The following PDE3A variants were observed in gnomAD, a reference collection of about 807,000 sequenced individuals.
PDE3A encodes the protein cGMP-inhibited 3',5'-cyclic phosphodiesterase 3A.
A neutral mutation model predicts 98.3 loss-of-function variants in PDE3A; 43 were observed. The ratio of observed to expected loss-of-function variants is 0.44; its 90% CI spans 0.34 to 0.56. The LOEUF is 0.56. Among genes scored for constraint, PDE3A ranks in the 20% least tolerant of loss-of-function variants. The pLI is 0.01. For synonymous variants in PDE3A, 663 were observed against 567.9 expected, an observed-to-expected ratio of 1.17 and a Z score of -2.38; for missense variants, 1,427 against 1,440.7, an observed-to-expected ratio of 0.99 and a Z score of 0.15.
intron 1 of PDE3A, among the ~76,000 whole-genome samples, chr12:20,381,582 G>C (rs569389487): frequency 1.6e-4 from 25 of 151,908 alleles, no homozygotes; most frequent in Non-Finnish European, 3.2e-4. Flanking sequence ...CTCAGGGGAC[G>C]ATGGTCTGTG....
chr12:20,382,878 G>A (rs1240140999), intron 1 of PDE3A, among the ~76,000 whole-genome samples: 2 of 151,938 alleles, frequency 1.3e-5, no homozygotes. Context: ...AAAGCACTAT[G>A]TAAAACAATG....
At chr12:20,392,360 G>T (rs1034038664) in intron 1 of PDE3A, among the ~76,000 whole-genome samples, 5 of 151,844 alleles carry the variant, frequency 3.3e-5, no homozygotes, top group African/African-American at 1.2e-4. Context: ...ATCACTGTAG[G>T]TCTAAAATGT....
chr12:20,651,944 G>T (rs1196463658), intron 14 of PDE3A, among the ~76,000 whole-genome samples: 1 of 133,316 alleles, frequency 7.5e-6, no homozygotes, highest in Non-Finnish European at 1.5e-5. Flanking sequence ...ACAGTCCCCA[G>T]TGTGTGATGT....
chr12:20,478,500 T>C (rs888427461), intron 1 of PDE3A, among the ~76,000 whole-genome samples: 1 of 152,184 alleles, frequency 6.6e-6, no homozygotes, highest in African/African-American at 2.4e-5. Flanking sequence ...ATGACACTTA[T>C]TCTTTTTGTT....
At chr12:20,545,207 T>C (rs1462261601) in intron 1 of PDE3A, among the ~76,000 whole-genome samples, 3 of 151,974 alleles carry the variant, frequency 2.0e-5, no homozygotes, top group Non-Finnish European at 2.9e-5. Context: ...TGGCAGCATA[T>C]AGGTTTAGAG....
At chr12:20,635,338 G>A (rs953252390) in intron 8 of PDE3A, among the ~76,000 whole-genome samples, 2 of 151,960 alleles carry the variant, frequency 1.3e-5, no homozygotes, top group Non-Finnish European at 2.9e-5. Flanking sequence ...AGGCCAAGGC[G>A]GGAGTATCAC....
At chr12:20,598,799 C>G (rs1184127538) in intron 2 of PDE3A, among the ~76,000 whole-genome samples, 1 of 152,138 alleles carries the variant, frequency 6.6e-6, no homozygotes, top group Non-Finnish European at 1.5e-5. Flanking sequence ...TCACCTATTT[C>G]CAAGTGCAAA....
chr12:20,515,834 G>A (rs899389800), intron 1 of PDE3A, among the ~76,000 whole-genome samples: 57 of 149,684 alleles, frequency 3.8e-4, no homozygotes, highest in African/African-American at 1.3e-3. Context: ...CCGGGTTCAC[G>A]CCATTCTCCT....
chr12:20,483,458 A>G (rs1201577619), intron 1 of PDE3A, among the ~76,000 whole-genome samples: 2 of 152,224 alleles, frequency 1.3e-5, no homozygotes, highest in Non-Finnish European at 2.9e-5. Context: ...ATGACTTGCA[A>G]ATGAGAAGAA....
intron 1 of PDE3A, among the ~76,000 whole-genome samples, chr12:20,542,311 C>T (rs1321127895): frequency 1.3e-5 from 2 of 152,030 alleles, no homozygotes; most frequent in Non-Finnish European, 2.9e-5. Flanking sequence ...TTTTAAGTCA[C>T]ACCAATTACT....
At chr12:20,449,315 A>T (rs1945020283) in intron 1 of PDE3A, among the ~76,000 whole-genome samples, 1 of 152,238 alleles carries the variant, frequency 6.6e-6, no homozygotes, top group Admixed American at 6.5e-5. Flanking sequence ...CAGTTGCTTC[A>T]GAAAATAAAA....
At chr12:20,626,751 G>A (rs1166090261) in intron 5 of PDE3A, among the ~76,000 whole-genome samples, 1 of 152,130 alleles carries the variant, frequency 6.6e-6, no homozygotes, top group Non-Finnish European at 1.5e-5. Context: ...GCCCTCCTCG[G>A]CCTCCCAAAG....
At position 20,552,498 on chromosome 12, in the gene PDE3A, G is replaced by C; in HGVS notation, c.961-4162G>C. The C allele has an allele frequency of 1.2e-6, 2 of 1,613,134 alleles. No homozygotes were observed. The highest frequency in any genetic ancestry group is 1.7e-6 in the Non-Finnish European group (2 of 1,179,628). On this transcript the variant is annotated intron_variant, in intron 1 of 15. Transcript: ENST00000359062. This position sits in a 1 kb window ranked among gnomAD's most constrained non-coding sequence, Gnocchi z 5.1. Reference sequence around the variant, plus strand: ...TGGCCAACCGAGAGCGAGAGAAGGAGAACAGCAAGAGGGAGGAGGAGGAGC... The same window carrying C: ...TGGCCAACCGAGAGCGAGAGAAGGACAACAGCAAGAGGGAGGAGGAGGAGC...
chr12:20,369,628 C>G lies in PDE3A; in HGVS notation c.344C>G (p.Pro115Arg), dbSNP rs769556744. Residue 115 changes from proline to arginine, a missense_variant, in exon 1 of 16, where the codon CCT becomes CGT. Transcript: ENST00000359062. The stretch of plus-strand genomic sequence containing the variant: ...GCAGAAGGGGGCGTCTTCCCGGGGC[C>G]TCGGGGAGGTGCTCCCGGGGGCGGT... ...PGAEGGVFPG[P>R]RGGAPGGGAR... 7.6e-6 allele frequency: 12 copies of G among 1,586,404 alleles called. No individual in the cohort carries two copies. Among genetic ancestry groups the G allele is most frequent in the South Asian group, 6.8e-5 (6 of 88,478 alleles).
intron 1 of PDE3A, among the ~76,000 whole-genome samples, chr12:20,549,235 G>C (rs1942134856): frequency 6.7e-6 from 1 of 150,024 alleles, no homozygotes; most frequent in South Asian, 2.1e-4. Flanking sequence ...TATACAAATA[G>C]GATAAAAATT....
chr12:20,386,504 CTTCTTTCTTTTT>C (rs1231330083), intron 1 of PDE3A, among the ~76,000 whole-genome samples: 1 of 148,038 alleles, frequency 6.8e-6, no homozygotes, highest in Non-Finnish European at 1.5e-5. Context: ...TTTCTTTTTT[CTTCTTTCTTTTT>C]TTCTGGTAGA....
intron 15 of PDE3A, among the ~76,000 whole-genome samples, chr12:20,679,006 A>G (rs1034296769): frequency 6.6e-6 from 1 of 152,068 alleles, no homozygotes; most frequent in African/African-American, 2.4e-5. Context: ...AACAGTATAT[A>G]CTCTAGGAGG....
At chr12:20,474,591 C>T (rs1020863184) in intron 1 of PDE3A, among the ~76,000 whole-genome samples, 21 of 152,192 alleles carry the variant, frequency 1.4e-4, no homozygotes, top group Middle Eastern at 3.2e-3. Flanking sequence ...CTTGCTTTCT[C>T]AGGAGACTCC....
chr12:20,473,318 C>T (rs958522612), intron 1 of PDE3A, among the ~76,000 whole-genome samples: 5 of 152,124 alleles, frequency 3.3e-5, no homozygotes, highest in African/African-American at 7.2e-5. Flanking sequence ...GTTGACAAGA[C>T]CTACGTCATT....
Sources: allele counts gnomAD v4.1 joint callset (sites outside exome capture counted in the v4.1 genomes callset), GRCh38; gene constraint gnomAD v4.1.1; non-coding constraint Gnocchi (gnomAD v3.1); transcripts MANE v1.5; gene names NCBI Gene and HGNC (gene_info 2026-07-23, HGNC 2026-07-21).